The following XPO6 variants were observed in gnomAD, a reference collection of about 807,000 sequenced individuals.
The protein encoded by XPO6 is exportin-6.
A neutral mutation model predicts 130.0 loss-of-function variants in XPO6; 3 were observed. The observed-to-expected ratio is 0.02, with a 90% CI of 0.01 to 0.06. The LOEUF (loss-of-function observed/expected upper bound fraction) is 0.06, where lower values mean the gene tolerates loss of function less well. Ranked by LOEUF, XPO6 falls within the 10% of genes least tolerant of loss-of-function variation. The pLI, the probability that XPO6 is intolerant of heterozygous loss-of-function variation, is 1.00. For missense variants in XPO6, 970 were observed against 1,393.0 expected, an observed-to-expected ratio of 0.70 and a Z score of 4.83; for synonymous variants, 524 against 548.9, an observed-to-expected ratio of 0.95 and a Z score of 0.63.
At position 28,112,000 on chromosome 16, in the gene XPO6, C is replaced by T; in HGVS notation, c.2158G>A (p.Val720Met). The T allele has an allele frequency of 6.2e-7, 1 of 1,610,760 alleles. No homozygotes were observed. Among genetic ancestry groups the T allele is most frequent in the South Asian group, 1.1e-5 (1 of 90,614 alleles). ...TTAGAGAGGGCTCGGCACACCAACA[C>T]CTGGGCCTACAAGAGACCCCAAAGG... ...SALRLVDKAQ[V>M]LVCRALSNIL... The change falls in exon 17 of 24, where the codon GTG (valine) becomes ATG (methionine). Residue 720 changes from valine (V) to methionine (M), a missense_variant. Val to Met is a conservative substitution (Grantham distance 21). This residue lies in a region of XPO6 where 936 missense variants were observed against 1,306.8 expected (regional missense o/e 0.72). Coordinates refer to ENST00000304658, the MANE Select transcript of XPO6 (RefSeq NM_015171.4).
chr16:28,132,569 A>G lies in XPO6; in HGVS notation c.1537-166T>C, dbSNP rs575824124. Among the ~76,000 whole-genome samples the G allele has an allele frequency of 9.3e-5, 14 of 150,398 alleles. No homozygotes were observed. The highest frequency in any genetic ancestry group is 3.4e-4 in the African/African-American group (14 of 41,106). On this transcript the variant is annotated intron_variant, in intron 11 of 23. Transcript: ENST00000304658. This position sits in a 1 kb window ranked among gnomAD's most constrained non-coding sequence, Gnocchi z 4.0. ...AGCTAAAAAGCTATGACCCCCCTTC[A>G]GTGCCCCCCAACTAGTTTCTATAAT...
chr16:28,198,566 G>A (rs1002391798), intron 1 of XPO6, among the ~76,000 whole-genome samples: 12 of 151,906 alleles, frequency 7.9e-5, no homozygotes, highest in Admixed American at 4.6e-4. Context: ...CACTTTGGGA[G>A]GCCAAAGCAG....
intron 8 of XPO6, among the ~76,000 whole-genome samples, chr16:28,150,158 A>T (rs1457569648): frequency 6.6e-6 from 1 of 152,070 alleles, no homozygotes; most frequent in African/African-American, 2.4e-5. Flanking sequence ...TCAGAATCTG[A>T]TTCTGTCTGG....
chr16:28,143,933 C>T (rs537267810), intron 9 of XPO6, among the ~76,000 whole-genome samples: 2 of 152,302 alleles, frequency 1.3e-5, no homozygotes, highest in Admixed American at 1.3e-4. Context: ...CCGCACTCGG[C>T]CTTGTACTGT....
intron 6 of XPO6, among the ~76,000 whole-genome samples, chr16:28,158,916 A>T (rs773818795): frequency 6.6e-6 from 1 of 152,182 alleles, no homozygotes; most frequent in Non-Finnish European, 1.5e-5. Flanking sequence ...AGAGAAGACA[A>T]AAGAAGAAAA....
chr16:28,160,503 C>CAAAAAAAAAAAAAAAAAAAAAAAAAAAA lies in XPO6; in HGVS notation c.644-3977_644-3976insTTTTTTTTTTTTTTTTTTTTTTTTTTTT, dbSNP rs1158204334. Among the ~76,000 whole-genome samples, 14 of 116,662 alleles carry CAAAAAAAAAAAAAAAAAAAAAAAAAAAA rather than the reference C, an allele frequency of 1.2e-4. 2 individuals carry two copies. Among genetic ancestry groups the CAAAAAAAAAAAAAAAAAAAAAAAAAAAA allele is most frequent in the South Asian group, 1.1e-3 (4 of 3,756 alleles). 76.5% of individuals were successfully genotyped at this position (116,662 alleles called of 152,430 possible). A position where few individuals can be genotyped will look rare whatever the true frequency, so the allele number is the denominator to read the frequency against. On this transcript the variant is annotated intron_variant, in intron 6 of 23. Coordinates refer to ENST00000304658, the MANE Select transcript of XPO6 (RefSeq NM_015171.4). ...TGGATAACAAAGTGAGACTCCATCA[C>CAAAAAAAAAAAAAAAAAAAAAAAAAAAA]CAAAAAAAAAAAAAAAATCAAGTAA... is the stretch of plus-strand genomic sequence containing the variant.
intron 9 of XPO6, among the ~76,000 whole-genome samples, chr16:28,139,899 AC>A (rs1225260663): frequency 1.3e-5 from 2 of 152,098 alleles, no homozygotes; most frequent in Non-Finnish European, 2.9e-5. Context: ...TGGAGAATTC[AC>A]CCCCCTCTCA....
At chr16:28,198,198 T>G (rs2141901889) in intron 1 of XPO6, among the ~76,000 whole-genome samples, 1 of 152,112 alleles carries the variant, frequency 6.6e-6, no homozygotes, top group East Asian at 1.9e-4. Context: ...CCACTTATGC[T>G]ATAAAGCGGA....
intron 1 of XPO6, among the ~76,000 whole-genome samples, chr16:28,194,125 A>C (rs2043824454): frequency 6.6e-6 from 1 of 152,166 alleles, no homozygotes; most frequent in Non-Finnish European, 1.5e-5. Flanking sequence ...CCCCTCACCA[A>C]GTAGCTATGG....
intron 14 of XPO6, among the ~76,000 whole-genome samples, chr16:28,118,868 A>C (rs1301751974): frequency 6.6e-6 from 1 of 152,138 alleles, no homozygotes; most frequent in African/African-American, 2.4e-5. Context: ...TCACCCCCCC[A>C]GACTTGAGCT....
intron 8 of XPO6, among the ~76,000 whole-genome samples, chr16:28,151,951 G>A (rs542126721): frequency 2.2e-4 from 33 of 152,278 alleles, no homozygotes; most frequent in African/African-American, 7.7e-4. Context: ...GTACTGTGGT[G>A]ATGTTTGGAC....
intron 6 of XPO6, among the ~76,000 whole-genome samples, chr16:28,161,262 C>T (rs1193661894): frequency 6.6e-6 from 1 of 152,114 alleles, no homozygotes. Flanking sequence ...TTTTTATGAA[C>T]ACATACCTGG....
chr16:28,197,942 T>G, intron 1 of XPO6, among the ~76,000 whole-genome samples: 1 of 109,492 alleles, frequency 9.1e-6, no homozygotes, highest in Non-Finnish European at 2.0e-5. Context: ...AAAAAAATTG[T>G]TCAGACTACA....
intron 1 of XPO6, 28 bp from the exon 2 acceptor site, chr16:28,181,059 A>AT (rs774918952): frequency 6.4e-7 from 1 of 1,550,584 alleles, no homozygotes; most frequent in Middle Eastern, 1.7e-4. Flanking sequence ...AAAAAAATCA[A>AT]TAAGCTGCAT....
intron 17 of XPO6, chr16:28,111,145 T>C (rs1432553070): frequency 6.6e-6 from 1 of 152,282 alleles, no homozygotes; most frequent in Non-Finnish European, 1.5e-5. Flanking sequence ...ATAGTATTTA[T>C]TACTATTTCT....
chr16:28,104,009 C>T (rs2086716316), intron 21 of XPO6, among the ~76,000 whole-genome samples: 1 of 152,134 alleles, frequency 6.6e-6, no homozygotes, highest in Non-Finnish European at 1.5e-5. Context: ...GCTGTCTGGG[C>T]GAGGTGATGC....
chr16:28,184,686 A>G (rs918753521), intron 1 of XPO6, among the ~76,000 whole-genome samples: 2 of 152,210 alleles, frequency 1.3e-5, no homozygotes, highest in African/African-American at 2.4e-5. Flanking sequence ...AAGCCTATAA[A>G]TAAGTGTTCA....
chr16:28,176,193 A>C (rs2043531001), intron 3 of XPO6, 98 bp from the exon 4 acceptor site: 2 of 1,103,968 alleles, frequency 1.8e-6, no homozygotes, highest in African/African-American at 1.6e-5. Context: ...ATAAACAAGA[A>C]TCCCTCTTTA....
intron 1 of XPO6, among the ~76,000 whole-genome samples, chr16:28,189,523 G>A (rs2043752140): frequency 6.6e-6 from 1 of 152,014 alleles, no homozygotes; most frequent in African/African-American, 2.4e-5. Flanking sequence ...CAAGCAGAGG[G>A]AAGACCGAGG....
Sources: allele counts gnomAD v4.1 joint callset (sites outside exome capture counted in the v4.1 genomes callset), GRCh38; gene constraint gnomAD v4.1.1; regional missense constraint gnomAD v4.1.1; non-coding constraint Gnocchi (gnomAD v3.1); transcripts MANE v1.5; gene names NCBI Gene and HGNC (gene_info 2026-07-23, HGNC 2026-07-21).